The following STAB2 variants were observed in gnomAD, a reference collection of about 807,000 sequenced individuals.
STAB2 encodes the protein stabilin 2.
Under a neutral mutation model 338.1 loss-of-function variants are expected in STAB2, and 288 were observed. The observed-to-expected ratio is 0.85, with a 90% CI of 0.77 to 0.94. The LOEUF (loss-of-function observed/expected upper bound fraction) is 0.94. Among genes scored for constraint, STAB2 ranks in the 40% least tolerant of loss-of-function variants. The pLI, the probability that STAB2 is intolerant of heterozygous loss-of-function variation, is 0.00. For synonymous variants in STAB2, 1,202 were observed against 1,193.3 expected, an observed-to-expected ratio of 1.01 and a Z score of -0.15; for missense variants, 3,141 against 3,210.1, an observed-to-expected ratio of 0.98 and a Z score of 0.52.
Position 103,648,787 on chromosome 12 carries a change from T to C in STAB2, c.1138T>C (p.Trp380Arg), listed in dbSNP as rs1443788124. The C allele has an allele frequency of 3.1e-6, 5 of 1,613,648 alleles. No homozygotes were observed. Among genetic ancestry groups the C allele is most frequent in the Non-Finnish European group, 4.2e-6 (5 of 1,179,926 alleles). ...RELNTEPRGKWQGRLTSFISL... is the reference protein window; with the variant it reads ...RELNTEPRGKRQGRLTSFISL... ...ATTAAATACTGAACCCAGAGGAAAATGGCAAGGAAGGCTGACCTCTTTCAT... is the reference window on the plus strand; with the variant it reads ...ATTAAATACTGAACCCAGAGGAAAACGGCAAGGAAGGCTGACCTCTTTCAT... The change falls in exon 10 of 69, where the codon TGG (tryptophan) becomes CGG (arginine). Residue 380 changes from tryptophan to arginine, a missense_variant. Transcript: ENST00000388887.
rs1030031229 is a variant in STAB2 at position 103,587,568 on chromosome 12, A to G, written c.81+11A>G. On this transcript the variant is annotated intron_variant, in intron 1 of 68. Coordinates refer to ENST00000388887, the MANE Select transcript of STAB2 (RefSeq NM_017564.10). ...GAAACCACAGGGCAGGTAAGAGGAG[A>G]CTTACATATTTTTTTCATTTGTTAA... The G allele has an allele frequency of 6.2e-7, 1 of 1,609,896 alleles. No homozygotes were observed. Among genetic ancestry groups the G allele is most frequent in the African/African-American group, 1.3e-5 (1 of 74,930 alleles).
At chr12:103,695,907 T>A in intron 33 of STAB2, 63 bp downstream of exon 33, 4 of 1,473,102 alleles carry the variant, frequency 2.7e-6, no homozygotes, top group Non-Finnish European at 3.8e-6. Flanking sequence ...TCAGTGTTTG[T>A]AATCCATTAG....
chr12:103,754,961 AT>A (rs540960701), intron 61 of STAB2: 8 of 218,824 alleles, frequency 3.7e-5, no homozygotes, highest in South Asian at 1.0e-4. Context: ...AAAAAAAAAA[AT>A]TTGAGTTCTA....
At chr12:103,762,720 C>G (rs1344288581) in intron 67 of STAB2, among the ~76,000 whole-genome samples, 2 of 152,178 alleles carry the variant, frequency 1.3e-5, no homozygotes, top group Non-Finnish European at 2.9e-5. Context: ...TCTTGTTTAC[C>G]TTGGAGGATT....
intron 30 of STAB2, among the ~76,000 whole-genome samples, chr12:103,690,885 A>G (rs545777946): frequency 2.0e-5 from 3 of 152,362 alleles, no homozygotes; most frequent in South Asian, 4.1e-4. Context: ...TTAGTAATTG[A>G]ATCTGTATAG....
At chr12:103,693,862 A>G (rs1878169358) in intron 31 of STAB2, among the ~76,000 whole-genome samples, 1 of 152,108 alleles carries the variant, frequency 6.6e-6, no homozygotes, top group South Asian at 2.1e-4. Flanking sequence ...TTTAATTAAA[A>G]TTGTTCTCAG....
chr12:103,637,812 C>T (rs748407813), intron 7 of STAB2, among the ~76,000 whole-genome samples: 4 of 152,160 alleles, frequency 2.6e-5, no homozygotes, highest in Non-Finnish European at 4.4e-5. Context: ...CACAAAATGG[C>T]CTACTAATAT....
intron 29 of STAB2, 147 bp downstream of exon 29, chr12:103,690,129 A>G (rs953290245): frequency 1.7e-6 from 2 of 1,200,218 alleles, no homozygotes; most frequent in Non-Finnish European, 2.3e-6. Flanking sequence ...CCACCCCAGG[A>G]TAGTAATAGT....
At chr12:103,744,814 A>T (rs1056445177) in intron 56 of STAB2, among the ~76,000 whole-genome samples, 1 of 152,190 alleles carries the variant, frequency 6.6e-6, no homozygotes, top group Non-Finnish European at 1.5e-5. Flanking sequence ...AGGAAGCCCC[A>T]GATGAGATGA....
intron 6 of STAB2, among the ~76,000 whole-genome samples, chr12:103,634,356 A>C (rs1957510860): frequency 6.6e-6 from 1 of 152,224 alleles, no homozygotes; most frequent in African/African-American, 2.4e-5. Context: ...CAGTGACATC[A>C]TATCTTTGCA....
intron 9 of STAB2, among the ~76,000 whole-genome samples, chr12:103,641,590 G>A (rs1221326497): frequency 6.6e-6 from 1 of 152,036 alleles, no homozygotes; most frequent in Non-Finnish European, 1.5e-5. Context: ...CATATATTCT[G>A]GCAATACTGA....
intron 34 of STAB2, 79 bp downstream of exon 34, chr12:103,699,306 C>T (rs1329585407): frequency 2.0e-6 from 3 of 1,507,394 alleles, no homozygotes; most frequent in South Asian, 2.5e-5. Context: ...AGTGTCTTGG[C>T]TCCTGTCATC....
intron 47 of STAB2, among the ~76,000 whole-genome samples, chr12:103,728,270 G>A (rs557988360): frequency 2.1e-4 from 32 of 152,214 alleles, no homozygotes; most frequent in African/African-American, 7.5e-4. Context: ...TCATGCCTCA[G>A]CCTCCGGAGT....
At chr12:103,686,031 T>C (rs1217237458) in intron 27 of STAB2, among the ~76,000 whole-genome samples, 1 of 152,166 alleles carries the variant, frequency 6.6e-6, no homozygotes, top group African/African-American at 2.4e-5. Context: ...TCTACAACCA[T>C]AAACTCTTGA....
chr12:103,613,423 G>A (rs1312674320), intron 3 of STAB2, among the ~76,000 whole-genome samples: 1 of 152,176 alleles, frequency 6.6e-6, no homozygotes, highest in Non-Finnish European at 1.5e-5. Context: ...CCGCCTTGCA[G>A]TTTGATCTCA....
At chr12:103,746,536 T>G in intron 57 of STAB2, 61 bp from the exon 58 acceptor site, 1 of 1,525,252 alleles carries the variant, frequency 6.6e-7, no homozygotes, top group Non-Finnish European at 9.1e-7. Context: ...AAAGTCTCCT[T>G]AGATGGGTTT....
intron 24 of STAB2, among the ~76,000 whole-genome samples, chr12:103,677,165 C>T (rs1196375938): frequency 6.6e-6 from 1 of 152,148 alleles, no homozygotes; most frequent in Non-Finnish European, 1.5e-5. Context: ...GAGATAATAA[C>T]AATACTTTCC....
rs1875515302 is a variant in STAB2 at position 103,669,475 on chromosome 12, C to T, written c.2173-66C>T. On this transcript the variant is annotated intron_variant, in intron 20 of 68. Transcript: ENST00000388887. ...TAGTATAATAATGGAAATTAAAATG[C>T]ATCCCCTTTGAGGAATTGGTGCTCT... 3.7e-6 allele frequency: 5 copies of T among 1,333,942 alleles called. No homozygotes were observed. In the East Asian group the frequency reaches 1.2e-4, roughly 31 times the overall value. 82.6% of individuals were successfully genotyped at this position (1,333,942 alleles called of 1,614,324 possible). A position where few individuals can be genotyped will look rare whatever the true frequency, so the allele number is the denominator to read the frequency against.
chr12:103,694,018 T>C (rs566871297), intron 31 of STAB2, among the ~76,000 whole-genome samples: 1 of 152,018 alleles, frequency 6.6e-6, no homozygotes, highest in South Asian at 2.1e-4. Context: ...AAGATGGCTG[T>C]TAATTGATTC....
Sources: gnomAD v4.1 joint callset for allele counts (sites outside exome capture counted in the v4.1 genomes callset) on GRCh38, gnomAD v4.1.1 for gene constraint, MANE v1.5 for transcripts, NCBI Gene and HGNC (gene_info 2026-07-23, HGNC 2026-07-21) for gene names.